Variants in SLC17A8 observed in about 807,000 individuals in gnomAD.
The protein encoded by SLC17A8 is solute carrier family 17 member 8, also known as vesicular glutamate transporter 3.
A neutral mutation model predicts 58.0 loss-of-function variants in SLC17A8; 31 were observed. That is an observed-to-expected ratio of 0.53 (90% CI 0.40 to 0.72). The LOEUF is 0.72. SLC17A8 is among the 30% of genes least tolerant of loss of function. The pLI is 0.00. For synonymous variants in SLC17A8, 228 were observed against 249.0 expected (o/e 0.92, Z 0.79); for missense variants, 655 against 727.8 (o/e 0.90, Z 1.15).
At position 100,391,138 on chromosome 12, in the gene SLC17A8, A is replaced by G; in HGVS notation, c.473+19A>G. 1.3e-6 allele frequency: 2 copies of G among 1,495,102 alleles called. No homozygotes were observed. The highest frequency in any genetic ancestry group is 1.9e-6 in the Non-Finnish European group (2 of 1,071,778). 92.6% of individuals were successfully genotyped at this position (1,495,102 alleles called of 1,614,324 possible). On this transcript the variant is annotated intron_variant, in intron 3 of 11. Transcript: ENST00000323346. ...CTAACAGGTAAGATAAATTGATATA[A>G]CATGATACAAACCAATGAAATGTGG... is the stretch of plus-strand genomic sequence containing the variant.
At chr12:100,384,492 A>G (rs1952659391) in intron 2 of SLC17A8, among the ~76,000 whole-genome samples, 1 of 152,196 alleles carries the variant, frequency 6.6e-6, no homozygotes, top group Admixed American at 6.5e-5. Flanking sequence ...AGTACCAGCT[A>G]CTTGGGAAGC....
At chr12:100,401,986 ATGG>A in intron 6 of SLC17A8, 123 bp downstream of exon 6, 1 of 808,940 alleles carries the variant, frequency 1.2e-6, no homozygotes. Context: ...TATTGTATAA[ATGG>A]AATACTTTAT....
chr12:100,374,254 G>C lies in SLC17A8; in HGVS notation c.102-6447G>C, dbSNP rs146393438. Among the ~76,000 whole-genome samples the C allele has an allele frequency of 6.9e-3, 1,044 of 152,258 alleles. 13 individuals are homozygous for C. Among genetic ancestry groups the C allele is most frequent in the African/African-American group, 0.024 (991 of 41,564 alleles). On this transcript the variant is annotated intron_variant, in intron 1 of 11. Transcript: ENST00000323346. ...GTGTTCCATGATACAGGGTGAGGGGGTTCTGTCTTCCTCTGTGAGCTAGGC... is the reference window on the plus strand; with the variant it reads ...GTGTTCCATGATACAGGGTGAGGGGCTTCTGTCTTCCTCTGTGAGCTAGGC...
intron 9 of SLC17A8, among the ~76,000 whole-genome samples, chr12:100,408,838 AT>A (rs1292908784): frequency 6.6e-6 from 1 of 152,242 alleles, no homozygotes; most frequent in East Asian, 1.9e-4. Flanking sequence ...TAGTTAGTAT[AT>A]GAAACACTAG....
intron 10 of SLC17A8, among the ~76,000 whole-genome samples, chr12:100,415,206 C>G (rs1952897550): frequency 6.6e-6 from 1 of 151,924 alleles, no homozygotes; most frequent in Admixed American, 6.6e-5. Flanking sequence ...TGTCTCATGA[C>G]TATAATCCCA....
intron 5 of SLC17A8, among the ~76,000 whole-genome samples, chr12:100,401,307 CT>C (rs968487359): frequency 6.9e-4 from 99 of 143,942 alleles, no homozygotes; most frequent in Middle Eastern, 3.5e-3. Context: ...CAACCCTCTC[CT>C]TTTTTTTTTT....
Position 100,390,873 on chromosome 12 carries a change from A to G in SLC17A8, c.355-128A>G, listed in dbSNP as rs578179993. 2.8e-4 allele frequency: 211 copies of G among 749,652 alleles called. 1 individual carries two copies. The highest frequency in any genetic ancestry group is 4.2e-4 in the Non-Finnish European group (171 of 411,038). The allele number at this position is 749,652 out of a possible 1,614,324, so 46.4% of individuals were successfully genotyped here. A position where few individuals can be genotyped will look rare whatever the true frequency, so the allele number is the denominator to read the frequency against. ...TCCCCAAGTATGTAAGATGCCCTCC[A>G]TAAGTATGTGTTAAATAAATGAAAA... On this transcript the variant is annotated intron_variant, in intron 2 of 11. Transcript: ENST00000323346.
chr12:100,404,291 C>A, intron 9 of SLC17A8, 121 bp downstream of exon 9: 1 of 1,308,168 alleles, frequency 7.6e-7, no homozygotes, highest in Non-Finnish European at 1.1e-6. Context: ...ACCTCTAAGT[C>A]TGTCCCTCAG....
At chr12:100,391,749 T>C (rs1386982426) in intron 3 of SLC17A8, among the ~76,000 whole-genome samples, 1 of 152,222 alleles carries the variant, frequency 6.6e-6, no homozygotes, top group Non-Finnish European at 1.5e-5. Flanking sequence ...GTGACCTCTA[T>C]TGAGTCACTT....
intron 10 of SLC17A8, among the ~76,000 whole-genome samples, chr12:100,414,735 G>C (rs1426210861): frequency 1.3e-5 from 2 of 152,198 alleles, no homozygotes; most frequent in Non-Finnish European, 2.9e-5. Flanking sequence ...CACAGTGCCA[G>C]ATGCATAACA....
intron 2 of SLC17A8, among the ~76,000 whole-genome samples, chr12:100,385,490 G>C (rs916900929): frequency 6.6e-6 from 1 of 151,988 alleles, no homozygotes; most frequent in Non-Finnish European, 1.5e-5. Flanking sequence ...TGTCCACCCC[G>C]GCCTCCCAAA....
intron 8 of SLC17A8, among the ~76,000 whole-genome samples, chr12:100,403,120 G>A (rs1288230916): frequency 6.6e-6 from 1 of 152,096 alleles, no homozygotes; most frequent in South Asian, 2.1e-4. Context: ...TCATTTTGCA[G>A]AACACCCCTT....
rs1251348560 is a variant in SLC17A8 at position 100,380,801 on chromosome 12, C to A, written c.202C>A (p.His68Asn). The A allele has an allele frequency of 6.2e-7, 1 of 1,614,016 alleles. No individual in the cohort carries two copies. Among genetic ancestry groups the A allele is most frequent in the Non-Finnish European group, 8.5e-7 (1 of 1,180,046 alleles). Residue 68 changes from histidine to asparagine, a missense_variant, in exon 2 of 12, where the codon CAC becomes AAC. Coordinates refer to ENST00000323346, the MANE Select transcript of SLC17A8 (RefSeq NM_139319.3). ...GCCAAGCCCCCCACTCTGCGACTGCCACTGCTGCGGCCTCCCCAAGCGTTA... is the reference window on the plus strand; with the variant it reads ...GCCAAGCCCCCCACTCTGCGACTGCAACTGCTGCGGCCTCCCCAAGCGTTA... ...SRPSPPLCDCHCCGLPKRYII... is the reference protein window; with the variant it reads ...SRPSPPLCDCNCCGLPKRYII...
At chr12:100,404,940 G>C (rs1460680971) in intron 9 of SLC17A8, among the ~76,000 whole-genome samples, 51 of 152,238 alleles carry the variant, frequency 3.4e-4, no homozygotes, top group Admixed American at 3.3e-3. Flanking sequence ...TGGAGGACTA[G>C]TCAGGATGAG....
At chr12:100,415,921 G>A (rs1952903493) in intron 10 of SLC17A8, among the ~76,000 whole-genome samples, 2 of 152,146 alleles carry the variant, frequency 1.3e-5, no homozygotes, top group African/African-American at 4.8e-5. Flanking sequence ...CAGCCACAGG[G>A]GCAATAATTC....
At chr12:100,359,856 TC>T (rs1952473457) in intron 1 of SLC17A8, among the ~76,000 whole-genome samples, 1 of 152,160 alleles carries the variant, frequency 6.6e-6, no homozygotes. Context: ...GTTGACAGAA[TC>T]CCATGTAAAA....
intron 4 of SLC17A8, among the ~76,000 whole-genome samples, chr12:100,395,560 G>A (rs35857979): frequency 6.6e-6 from 1 of 152,056 alleles, no homozygotes; most frequent in African/African-American, 2.4e-5. Context: ...TCCTGACTTA[G>A]GTGATCCGCC....
intron 11 of SLC17A8, among the ~76,000 whole-genome samples, chr12:100,419,445 A>C (rs563836958): frequency 1.3e-5 from 2 of 151,850 alleles, no homozygotes; most frequent in South Asian, 4.2e-4. Flanking sequence ...AGGCAGGAGA[A>C]TGGTGTGAAC....
At chr12:100,359,837 G>A (rs1005072977) in intron 1 of SLC17A8, among the ~76,000 whole-genome samples, 2 of 152,276 alleles carry the variant, frequency 1.3e-5, no homozygotes, top group South Asian at 2.1e-4. Context: ...TGCTTTTCAC[G>A]TAAAACCAGT....
Sources: allele counts gnomAD v4.1 joint callset (sites outside exome capture counted in the v4.1 genomes callset), GRCh38; gene constraint gnomAD v4.1.1; transcripts MANE v1.5; gene names NCBI Gene and HGNC (gene_info 2026-07-23, HGNC 2026-07-21).